Variants in DLAT observed in about 807,000 individuals in gnomAD.
The protein encoded by DLAT is dihydrolipoamide S-acetyltransferase, also known as dihydrolipoyllysine-residue acetyltransferase component of pyruvate dehydrogenase complex, mitochondrial.
DLAT carries 43 observed loss-of-function variants against 68.0 expected under a neutral mutation model. That is an observed-to-expected ratio of 0.63 (90% CI 0.50 to 0.81). The LOEUF (loss-of-function observed/expected upper bound fraction) is 0.81. Ranked by LOEUF, DLAT falls within the 40% of genes least tolerant of loss-of-function variation. The pLI, the probability that DLAT is intolerant of heterozygous loss-of-function variation, is 0.00. For missense variants in DLAT, 745 were observed against 815.4 expected, an observed-to-expected ratio of 0.91 and a Z score of 1.05; for synonymous variants, 265 against 288.6, an observed-to-expected ratio of 0.92 and a Z score of 0.83.
chr11:112,026,470 G>T (rs1042994812), intron 2 of DLAT, among the ~76,000 whole-genome samples, 171 bp downstream of exon 2: 2 of 152,040 alleles, frequency 1.3e-5, no homozygotes, highest in African/African-American at 2.4e-5. Context: ...AGGATCCTGC[G>T]GCCTTCCGCA....
chr11:112,032,817 G>A (rs1862485236), intron 4 of DLAT, among the ~76,000 whole-genome samples: 1 of 152,208 alleles, frequency 6.6e-6, no homozygotes, highest in Non-Finnish European at 1.5e-5. Flanking sequence ...TGTAATCCCA[G>A]CACTTTGGGA....
Position 112,025,671 on chromosome 11 carries a change from G to T in DLAT, c.199G>T (p.Ala67Ser). ...GTGCGGCTGGACCCCCAGTTCTGGG[G>T]CCACGCCGCGGAACCGCTTACTGCT... ...ALCGWTPSSG[A>S]TPRNRLLLQL... Residue 67 changes from alanine to serine, a missense_variant, in exon 1 of 14, where the codon GCC becomes TCC. Coordinates refer to ENST00000280346, the MANE Select transcript of DLAT (RefSeq NM_001931.5). 6.2e-7 allele frequency: 1 copy of T among 1,613,100 alleles called. No individual in the cohort carries two copies. Among genetic ancestry groups the T allele is most frequent in the Non-Finnish European group, 8.5e-7 (1 of 1,179,980 alleles).
At chr11:112,056,331 A>C (rs868948204) in intron 11 of DLAT, among the ~76,000 whole-genome samples, 2 of 152,184 alleles carry the variant, frequency 1.3e-5, no homozygotes, top group Admixed American at 6.5e-5. Flanking sequence ...ACTCATGCTC[A>C]TTTATAGTAA....
In DLAT at chr11:112,048,969, ATTTTTTT is replaced by A. The variant is rs34651095; in HGVS notation, c.1399-2244_1399-2238del. On this transcript the variant is annotated intron_variant, in intron 10 of 13. Transcript: ENST00000280346. ...GTCATCTTTGTTCTTTTTTCTCAAG[ATTTTTTT>A]TTTTTTTTTTTTTTTTTTTTAAAGA... is the stretch of plus-strand genomic sequence containing the variant. Among the ~76,000 whole-genome samples, 31 of 93,670 alleles carry A rather than the reference ATTTTTTT, an allele frequency of 3.3e-4. No individual in the cohort carries two copies. In the South Asian group the frequency reaches 4.4e-3, roughly 13 times the overall value. The allele number at this position is 93,670 out of a possible 152,430, so 61.5% of individuals were successfully genotyped here.
At chr11:112,033,333 T>C (rs1292334867) in intron 4 of DLAT, 71 bp from the exon 5 acceptor site, 8 of 1,572,536 alleles carry the variant, frequency 5.1e-6, no homozygotes, top group South Asian at 3.4e-5. Flanking sequence ...TGAAACCACA[T>C]AAGTCTGCCA....
At chr11:112,050,950 T>G (rs1320047482) in intron 10 of DLAT, among the ~76,000 whole-genome samples, 3 of 152,194 alleles carry the variant, frequency 2.0e-5, no homozygotes, top group Non-Finnish European at 4.4e-5. Flanking sequence ...CCTCAGGATA[T>G]TTGTATATTC....
intron 1 of DLAT, 50 bp downstream of exon 1, chr11:112,025,801 C>G (rs1861963846): frequency 6.2e-7 from 1 of 1,606,366 alleles, no homozygotes; most frequent in Non-Finnish European, 8.5e-7. Context: ...TCAGAGCTGA[C>G]TGGATGCCTG....
At position 112,025,422 on chromosome 11, in the gene DLAT, G is replaced by A. The variant is rs1337220029; in HGVS notation, c.-51G>A. 1.9e-6 allele frequency: 3 copies of A among 1,581,222 alleles called. No individual in the cohort carries two copies. The highest frequency in any genetic ancestry group is 2.3e-5 in the East Asian group (1 of 43,644). On this transcript the variant is annotated 5_prime_UTR_variant, in exon 1 of 14. Coordinates refer to ENST00000280346, the MANE Select transcript of DLAT (RefSeq NM_001931.5). ...ACGGCAACGCCGCTGCTCTTGGAGAGGTCACTCCGGAGACGGCGTTGGTTT... is the reference window on the plus strand; with the variant it reads ...ACGGCAACGCCGCTGCTCTTGGAGAAGTCACTCCGGAGACGGCGTTGGTTT...
rs782503579 is a variant in DLAT at position 112,025,768 on chromosome 11, C to G, written c.279+17C>G. 2.5e-6 allele frequency: 4 copies of G among 1,612,582 alleles called. No homozygotes were observed. The highest frequency in any genetic ancestry group is 2.7e-5 in the African/African-American group (2 of 74,930). ...CATCAGAAGGTGAGCCCTAGACCCC[C>G]CTTCTCGGGACCCCGTTGTCCTTCA... is the stretch of plus-strand genomic sequence containing the variant. On this transcript the variant is annotated intron_variant, in intron 1 of 13. Coordinates refer to ENST00000280346, the MANE Select transcript of DLAT (RefSeq NM_001931.5).
intron 7 of DLAT, among the ~76,000 whole-genome samples, chr11:112,041,773 T>C (rs1218677345): frequency 6.6e-6 from 1 of 151,890 alleles, no homozygotes; most frequent in African/African-American, 2.4e-5. Context: ...TCCCAGCTAC[T>C]CGGGAGGCTG....
At chr11:112,058,579 A>C (rs1479339288) in intron 11 of DLAT, among the ~76,000 whole-genome samples, 2 of 116,330 alleles carry the variant, frequency 1.7e-5, no homozygotes, top group Admixed American at 2.4e-4. Flanking sequence ...AAAATCCATG[A>C]ATCCATGAGC....
chr11:112,046,606 C>T (rs587601768), intron 10 of DLAT, among the ~76,000 whole-genome samples: 1 of 151,894 alleles, frequency 6.6e-6, no homozygotes, highest in South Asian at 2.1e-4. Flanking sequence ...CTAATGCTAT[C>T]CCTCCCCTTA....
rs782810880 is a variant in DLAT at position 112,051,265 on chromosome 11, A to G, written c.1430A>G (p.Asn477Ser). ...GAAGGGAGAAGCAAAATTTCTGTCA[A>G]TGACTTCATCATAAAAGCTTCAGCT... ...ILEGRSKISV[N>S]DFIIKASALA... The change falls in exon 11 of 14, where the codon AAT becomes AGT. Residue 477 changes from asparagine to serine, a missense_variant. Transcript: ENST00000280346. This position sits in a 1 kb window ranked among gnomAD's most constrained non-coding sequence, Gnocchi z 4.3. The G allele has an allele frequency of 5.0e-6, 8 of 1,612,986 alleles. No individual in the cohort carries two copies. In the African/African-American group the frequency reaches 5.3e-5, roughly 11 times the overall value.
chr11:112,064,312 AC>A lies in DLAT; in HGVS notation c.*1779del. The A allele has an allele frequency of 9.1e-7, 1 of 1,096,658 alleles. No homozygotes were observed. The highest frequency in any genetic ancestry group is 3.4e-5 in the Admixed American group (1 of 29,608). 67.9% of individuals were successfully genotyped at this position (1,096,658 alleles called of 1,614,324 possible). On this transcript the variant is annotated 3_prime_UTR_variant, in exon 14 of 14. Coordinates refer to ENST00000280346, the MANE Select transcript of DLAT (RefSeq NM_001931.5). ...ATAATCTAAATCGATTCAGTCTCTT[AC>A]CAGAACTGAAAGAAAAAAGTTAGAA...
intron 6 of DLAT, among the ~76,000 whole-genome samples, chr11:112,038,292 G>A (rs1458638426): frequency 6.6e-5 from 10 of 151,928 alleles, no homozygotes; most frequent in East Asian, 2.0e-4. Flanking sequence ...TATGCCTCCC[G>A]GGTTCAAGCA....
intron 6 of DLAT, among the ~76,000 whole-genome samples, chr11:112,038,587 G>T (rs1336048650): frequency 1.3e-5 from 2 of 151,194 alleles, no homozygotes; most frequent in Non-Finnish European, 2.9e-5. Context: ...GCTCATGCCA[G>T]TAATCCCAGC....
chr11:112,060,158 ATTTTTTTTTTTTT>A (rs782188808), intron 12 of DLAT, 93 bp downstream of exon 12: 2 of 568,680 alleles, frequency 3.5e-6, no homozygotes, highest in Admixed American at 3.7e-5. Context: ...CTGTCACGTA[ATTTTTTTTTTTTT>A]TTTTTTTTTT....
At chr11:112,061,765 A>G (rs967566071) in intron 13 of DLAT, among the ~76,000 whole-genome samples, 3 of 152,056 alleles carry the variant, frequency 2.0e-5, no homozygotes, top group Non-Finnish European at 2.9e-5. Flanking sequence ...TTGTATTTTT[A>G]GTAGACATGT....
chr11:112,028,071 A>G (rs1862175362), intron 2 of DLAT, among the ~76,000 whole-genome samples: 2 of 152,192 alleles, frequency 1.3e-5, no homozygotes, highest in Admixed American at 1.3e-4. Flanking sequence ...AGTGTTTTTC[A>G]CAACTTGATG....
Sources: gnomAD v4.1 joint callset for allele counts (sites outside exome capture counted in the v4.1 genomes callset) on GRCh38, gnomAD v4.1.1 for gene constraint, Gnocchi (gnomAD v3.1) non-coding constraint, MANE v1.5 for transcripts, NCBI Gene and HGNC (gene_info 2026-07-23, HGNC 2026-07-21) for gene names.